The following PCDHGA1 variants were observed in gnomAD, a reference collection of about 807,000 sequenced individuals.
PCDHGA1 encodes protocadherin gamma subfamily A, 1, also known as protocadherin gamma-A1.
PCDHGA1 carries 32 observed loss-of-function variants against 58.0 expected under a neutral mutation model. That is an observed-to-expected ratio of 0.55 (90% CI 0.42 to 0.74). PCDHGA1 has a LOEUF of 0.74. Among genes scored for constraint, PCDHGA1 ranks in the 30% least tolerant of loss-of-function variants. The pLI is 0.00. For synonymous variants in PCDHGA1, 498 were observed against 501.1 expected (o/e 0.99, Z 0.08); for missense variants, 1,205 against 1,182.3 (o/e 1.02, Z -0.28).
chr5:141,408,469 A>G (rs1454570616), intron 1 of PCDHGA1: 2 of 1,614,078 alleles, frequency 1.2e-6, no homozygotes, highest in South Asian at 2.2e-5. Flanking sequence ...TGAAGAACCG[A>G]ATAGACCGTG....
intron 1 of PCDHGA1, chr5:141,408,127 G>A (rs1017651550): frequency 2.0e-6 from 3 of 1,480,258 alleles, no homozygotes; most frequent in African/African-American, 2.8e-5. Context: ...GTCCTGGGCC[G>A]AATGCTCTTT....
chr5:141,431,932 C>T lies in PCDHGA1; in HGVS notation c.2422-62875C>T. 2 of 1,614,172 alleles carry T rather than the reference C, an allele frequency of 1.2e-6. No individual in the cohort carries two copies. The highest frequency in any genetic ancestry group is 1.7e-6 in the Non-Finnish European group (2 of 1,180,002). On this transcript the variant is annotated intron_variant, in intron 1 of 3. Coordinates refer to ENST00000517417, the MANE Select transcript of PCDHGA1 (RefSeq NM_018912.3). This position sits in a 1 kb window ranked among gnomAD's most constrained non-coding sequence, Gnocchi z 4.8. The stretch of plus-strand genomic sequence containing the variant: ...TCTGTTTCATCCAAGGAAATCTGCC[C>T]TTTAAATTAGAAAAATCTTACGGAA...
At chr5:141,351,379 G>A (rs1301322299) in intron 1 of PCDHGA1, 9 of 1,612,022 alleles carry the variant, frequency 5.6e-6, no homozygotes, top group Non-Finnish European at 7.6e-6. Context: ...AGGATTCTGG[G>A]CAAAATGGCA....
At chr5:141,506,444 CAAAA>C (rs1219684339) in intron 3 of PCDHGA1, among the ~76,000 whole-genome samples, 5 of 95,022 alleles carry the variant, frequency 5.3e-5, no homozygotes, top group Admixed American at 1.1e-4. Context: ...CGCTCTGTCT[CAAAA>C]AAAAAAAAAA....
At position 141,487,577 on chromosome 5, in the gene PCDHGA1, C is replaced by T; in HGVS notation, c.2422-7230C>T. 1 of 1,614,150 alleles carries T rather than the reference C, an allele frequency of 6.2e-7. No homozygotes were observed. Among genetic ancestry groups the T allele is most frequent in the Non-Finnish European group, 8.5e-7 (1 of 1,180,024 alleles). On this transcript the variant is annotated intron_variant, in intron 1 of 3. Transcript: ENST00000517417. This position sits in a 1 kb window ranked among gnomAD's most constrained non-coding sequence, Gnocchi z 5.0. ...ACCTATGGCAGGGGAGCCTGTTCGCCCAAGCTGCCCACCCTCTGATCTTCT... is the reference window on the plus strand; with the variant it reads ...ACCTATGGCAGGGGAGCCTGTTCGCTCAAGCTGCCCACCCTCTGATCTTCT...
At chr5:141,372,826 C>G in intron 1 of PCDHGA1, 1 of 1,554,742 alleles carries the variant, frequency 6.4e-7, no homozygotes, top group Middle Eastern at 1.7e-4. Flanking sequence ...TTCTTCAAAC[C>G]TTTCCTTCCA....
At chr5:141,395,538 T>C (rs1459118809) in intron 1 of PCDHGA1, 1 of 225,772 alleles carries the variant, frequency 4.4e-6, no homozygotes, top group Non-Finnish European at 7.1e-6. Context: ...AATTTTGCTA[T>C]TGTTTGTGTG....
chr5:141,332,163 G>C lies in PCDHGA1; in HGVS notation c.1479G>C (p.Glu493Asp). The C allele has an allele frequency of 6.2e-7, 1 of 1,614,154 alleles. No homozygotes were observed. The highest frequency in any genetic ancestry group is 8.5e-7 in the Non-Finnish European group (1 of 1,180,040). ...ENAQITYSLI[E>D]DTIQGAPLSA... ...CACAAATCACTTACTCCCTAATAGA[G>C]GACACTATCCAGGGGGCACCCCTAT... The change falls in exon 1 of 4, where the codon GAG (glutamate) becomes GAC (aspartate). Residue 493 changes from glutamate (E) to aspartate (D), a missense_variant. Coordinates refer to ENST00000517417, the MANE Select transcript of PCDHGA1 (RefSeq NM_018912.3). This position sits in a 1 kb window ranked among gnomAD's most constrained non-coding sequence, Gnocchi z 4.6.
intron 1 of PCDHGA1, among the ~76,000 whole-genome samples, chr5:141,469,289 A>G (rs2154570270): frequency 6.6e-6 from 1 of 151,932 alleles, no homozygotes; most frequent in South Asian, 2.1e-4. Flanking sequence ...AAAATAAAAC[A>G]AAATAGACTG....
At chr5:141,395,222 AG>A (rs2093199234) in intron 1 of PCDHGA1, 1 of 1,611,488 alleles carries the variant, frequency 6.2e-7, no homozygotes, top group African/African-American at 1.3e-5. Context: ...ATAAGAATGA[AG>A]CTGATCATGG....
chr5:141,387,978 C>T, intron 1 of PCDHGA1: 1 of 1,487,640 alleles, frequency 6.7e-7, no homozygotes, highest in Non-Finnish European at 9.1e-7. Flanking sequence ...GCTCTGTGAG[C>T]AGATCCGCTA....
chr5:141,417,556 A>G, intron 1 of PCDHGA1: 1 of 333,096 alleles, frequency 3.0e-6, no homozygotes, highest in Non-Finnish European at 5.4e-6. Flanking sequence ...TGAAAGAGGT[A>G]GAGAAAAGTC....
chr5:141,383,979 A>C (rs1388219452), intron 1 of PCDHGA1: 1 of 1,613,678 alleles, frequency 6.2e-7, no homozygotes, highest in Non-Finnish European at 8.5e-7. Context: ...CTGAAGACAC[A>C]CCTCTTGGGA....
intron 1 of PCDHGA1, chr5:141,411,189 T>G (rs1222862554): frequency 6.6e-6 from 1 of 152,208 alleles, no homozygotes; most frequent in Non-Finnish European, 1.5e-5. Context: ...TCTTGGCATC[T>G]AAGAAAACAA....
chr5:141,369,703 A>C (rs757750981), intron 1 of PCDHGA1, among the ~76,000 whole-genome samples: 1 of 152,372 alleles, frequency 6.6e-6, no homozygotes, highest in East Asian at 1.9e-4. Context: ...AAAAGCTATG[A>C]CATTATAACT....
chr5:141,505,779 T>G (rs1420143439), intron 3 of PCDHGA1, among the ~76,000 whole-genome samples: 1 of 139,496 alleles, frequency 7.2e-6, no homozygotes, highest in Non-Finnish European at 1.6e-5. Flanking sequence ...GTCCTAGCTC[T>G]GCTACTATCC....
intron 1 of PCDHGA1, chr5:141,413,323 G>A (rs1221252167): frequency 2.5e-6 from 4 of 1,613,840 alleles, no homozygotes; most frequent in Non-Finnish European, 3.4e-6. Flanking sequence ...CTCTTTCGTG[G>A]GCAACATCTC....
chr5:141,420,415 T>G, intron 1 of PCDHGA1: 1 of 1,217,298 alleles, frequency 8.2e-7, no homozygotes, highest in Non-Finnish European at 1.1e-6. Flanking sequence ...TTATCATTAT[T>G]AAAACAAAAG....
intron 1 of PCDHGA1, chr5:141,388,777 A>C: frequency 6.2e-7 from 1 of 1,613,964 alleles, no homozygotes; most frequent in South Asian, 1.1e-5. Flanking sequence ...AACACCGGGG[A>C]AATTACTGTT....
Sources: gnomAD v4.1 joint callset for allele counts (sites outside exome capture counted in the v4.1 genomes callset) on GRCh38, gnomAD v4.1.1 for gene constraint, Gnocchi (gnomAD v3.1) non-coding constraint, MANE v1.5 for transcripts, NCBI Gene and HGNC (gene_info 2026-07-23, HGNC 2026-07-21) for gene names.